MAPK10: variants seen among roughly 807,000 people sequenced by gnomAD.
The protein encoded by MAPK10 is JNK3 alpha protein kinase.
A neutral mutation model predicts 59.3 loss-of-function variants in MAPK10; 25 were observed. The ratio of observed to expected loss-of-function variants is 0.42; its 90% CI spans 0.31 to 0.59. The LOEUF is 0.59. Among genes scored for constraint, MAPK10 ranks in the 20% least tolerant of loss-of-function variants. The pLI is 0.15. For missense variants in MAPK10, 351 were observed against 568.9 expected (o/e 0.62, Z 3.90); for synonymous variants, 190 against 200.5 (o/e 0.95, Z 0.44).
intron 12 of MAPK10, 53 bp downstream of exon 12, chr4:86,031,315 A>T (rs1427859528): frequency 1.6e-6 from 2 of 1,252,694 alleles, no homozygotes; most frequent in Non-Finnish European, 2.3e-6. Context: ...CCTTGTTGAT[A>T]CTTTCTGAGT....
chr4:86,161,640 A>G (rs10035072), intron 3 of MAPK10, among the ~76,000 whole-genome samples: 2,077 of 152,166 alleles, frequency 0.014, 25 homozygotes, highest in East Asian at 0.054. Context: ...ACCCTTCTTT[A>G]TATCTTTTAA....
chr4:86,353,628 T>C lies in MAPK10; in HGVS notation c.-7+902A>G, dbSNP rs1270597694. Among the ~76,000 whole-genome samples the C allele has an allele frequency of 2.0e-5, 3 of 152,316 alleles. 1 individual carries two copies. Among genetic ancestry groups the C allele is most frequent in the South Asian group, 4.1e-4 (2 of 4,826 alleles). ...TTTATGAATTGTTTTATAAATTCAC[T>C]ATATGAAATAACTCTAGGATTAATT... On this transcript the variant is annotated intron_variant, in intron 2 of 13. Coordinates refer to ENST00000641462, the MANE Select transcript of MAPK10 (RefSeq NM_138982.4).
intron 2 of MAPK10, among the ~76,000 whole-genome samples, chr4:86,313,085 A>G (rs2095703135): frequency 6.6e-6 from 1 of 152,150 alleles, no homozygotes; most frequent in African/African-American, 2.4e-5. Context: ...ATACATATAT[A>G]TACACACACA....
chr4:86,077,171 T>A (rs887304275), intron 9 of MAPK10, among the ~76,000 whole-genome samples: 3 of 152,260 alleles, frequency 2.0e-5, no homozygotes, highest in African/African-American at 7.2e-5. Flanking sequence ...AATGTGATAT[T>A]ACTAAGGTAT....
At chr4:86,366,153 C>CTA (rs1370046472) in intron 1 of MAPK10, among the ~76,000 whole-genome samples, 18 of 151,844 alleles carry the variant, frequency 1.2e-4, no homozygotes, top group Middle Eastern at 3.4e-3. Flanking sequence ...AGAGTATATA[C>CTA]TATATATATA....
chr4:86,354,044 C>T (rs1733091418), intron 2 of MAPK10, among the ~76,000 whole-genome samples: 1 of 151,938 alleles, frequency 6.6e-6, no homozygotes, highest in Non-Finnish European at 1.5e-5. Context: ...GCTAAAATGC[C>T]CATGAATTGA....
chr4:86,198,330 T>C (rs2081868041), intron 2 of MAPK10, among the ~76,000 whole-genome samples: 1 of 152,096 alleles, frequency 6.6e-6, no homozygotes, highest in African/African-American at 2.4e-5. Flanking sequence ...TCTTCAGTAA[T>C]GCAACTGTGT....
intron 1 of MAPK10, among the ~76,000 whole-genome samples, chr4:86,488,365 G>C (rs1205322134): frequency 1.3e-5 from 2 of 152,248 alleles, no homozygotes; most frequent in South Asian, 4.1e-4. Context: ...TATAGTTCCA[G>C]CTTCAATAAG....
At chr4:86,325,754 T>C (rs996903894) in intron 2 of MAPK10, 6 of 152,320 alleles carry the variant, frequency 3.9e-5, no homozygotes, top group Admixed American at 3.9e-4. Flanking sequence ...CCTTAAACAA[T>C]GCTAAAATGA....
At chr4:86,576,739 T>C (rs1035654831) in intron 1 of MAPK10, among the ~76,000 whole-genome samples, 14 of 150,450 alleles carry the variant, frequency 9.3e-5, no homozygotes, top group African/African-American at 2.7e-4. Context: ...CGCGCCACTG[T>C]AGTCCAGCCT....
chr4:86,291,971 T>C (rs2095241023), intron 2 of MAPK10, among the ~76,000 whole-genome samples: 1 of 152,182 alleles, frequency 6.6e-6, no homozygotes, highest in South Asian at 2.1e-4. Context: ...AAAAGGACCA[T>C]TACATTGGAC....
chr4:86,067,038 T>G (rs1279140268), intron 10 of MAPK10, among the ~76,000 whole-genome samples: 1 of 152,150 alleles, frequency 6.6e-6, no homozygotes, highest in East Asian at 1.9e-4. Flanking sequence ...AATTCAATAA[T>G]CAAATATGCA....
chr4:86,178,999 G>A (rs1466033645), intron 3 of MAPK10, among the ~76,000 whole-genome samples: 1 of 151,980 alleles, frequency 6.6e-6, no homozygotes, highest in Non-Finnish European at 1.5e-5. Context: ...TCAGGAGATT[G>A]AGACCATCCT....
At chr4:86,547,500 G>C (rs532199962) in intron 1 of MAPK10, among the ~76,000 whole-genome samples, 14 of 152,200 alleles carry the variant, frequency 9.2e-5, no homozygotes, top group Non-Finnish European at 1.8e-4. Context: ...CCGCAGGGCA[G>C]GGCTCAGGAC....
intron 1 of MAPK10, among the ~76,000 whole-genome samples, chr4:86,490,582 C>T (rs1470871706): frequency 2.6e-5 from 4 of 152,126 alleles, no homozygotes; most frequent in African/African-American, 9.7e-5. Flanking sequence ...AGAGTCACCC[C>T]ACAAAAAGGC....
At chr4:86,519,871 T>C (rs1427084934) in intron 1 of MAPK10, among the ~76,000 whole-genome samples, 3 of 152,226 alleles carry the variant, frequency 2.0e-5, no homozygotes, top group Non-Finnish European at 4.4e-5. Flanking sequence ...CCTTCATTTA[T>C]GAAGCTTAGT....
rs888057318 is a variant in MAPK10, at chr4:86,017,389, G to T, written c.1253-19C>A. ...GCTGCACCTGTGCTAAGAAAATGAA[G>T]ACCAACATGACTCAATCTAGAACCA... On this transcript the variant is annotated intron_variant, in intron 13 of 13. Coordinates refer to ENST00000641462, the MANE Select transcript of MAPK10 (RefSeq NM_138982.4). This position sits in a 1 kb window ranked among gnomAD's most constrained non-coding sequence, Gnocchi z 4.4. 2 of 1,613,508 alleles carry T rather than the reference G, an allele frequency of 1.2e-6. No homozygotes were observed. The highest frequency in any genetic ancestry group is 2.2e-5 in the East Asian group (1 of 44,844).
chr4:86,052,829 G>A (rs2043838702), intron 11 of MAPK10, among the ~76,000 whole-genome samples: 2 of 152,080 alleles, frequency 1.3e-5, no homozygotes, highest in South Asian at 4.1e-4. Context: ...CAAGTAGCTA[G>A]TGTAAGCCAC....
chr4:86,127,865 C>A (rs187762061), intron 4 of MAPK10, among the ~76,000 whole-genome samples: 70 of 152,158 alleles, frequency 4.6e-4, no homozygotes, highest in Middle Eastern at 3.4e-3. Context: ...CTTACCCTCA[C>A]ATTGATCACT....
Sources: allele counts gnomAD v4.1 joint callset (sites outside exome capture counted in the v4.1 genomes callset), GRCh38; gene constraint gnomAD v4.1.1; non-coding constraint Gnocchi (gnomAD v3.1); transcripts MANE v1.5; gene names NCBI Gene and HGNC (gene_info 2026-07-23, HGNC 2026-07-21).